The following MYO7A variants were observed in gnomAD, a reference collection of about 807,000 sequenced individuals.
MYO7A encodes myosin VIIA.
In MYO7A, 210 loss-of-function variants were observed where a neutral mutation model predicts 263.8. The ratio of observed to expected loss-of-function variants is 0.80; its 90% CI spans 0.71 to 0.89. MYO7A has a LOEUF of 0.89. Ranked by LOEUF, MYO7A falls within the 40% of genes least tolerant of loss-of-function variation. The pLI, the probability that MYO7A is intolerant of heterozygous loss-of-function variation, is 0.00. For missense variants in MYO7A, 2,820 were observed against 2,968.3 expected, an observed-to-expected ratio of 0.95 and a Z score of 1.16; for synonymous variants, 1,239 against 1,197.3, an observed-to-expected ratio of 1.03 and a Z score of -0.72.
intron 15 of MYO7A, among the ~76,000 whole-genome samples, chr11:77,171,295 C>A (rs1039804534): frequency 4.6e-5 from 7 of 152,222 alleles, no homozygotes; most frequent in Admixed American, 2.0e-4. Flanking sequence ...GTCAGGGGCC[C>A]TAATGCAGGC....
intron 46 of MYO7A, 144 bp from the exon 47 acceptor site, chr11:77,212,808 C>T: frequency 1.4e-6 from 1 of 705,100 alleles, no homozygotes. Flanking sequence ...AGGTGGAAGC[C>T]ATAGGTCATG....
rs1955166356 is a variant in MYO7A at position 77,181,361 on chromosome 11, T to C, written c.2695-19T>C. On this transcript the variant is annotated intron_variant, in intron 22 of 48. Coordinates refer to ENST00000409709, the MANE Select transcript of MYO7A (RefSeq NM_000260.4). ...CCGGGGGCTGACCCCGTGTCTTCTG[T>C]GTCACCCCAATTGCCCAGGAGCGCC... The C allele has an allele frequency of 3.9e-6, 6 of 1,546,054 alleles. No individual in the cohort carries two copies. In the East Asian group the frequency reaches 1.5e-4, roughly 38 times the overall value.
chr11:77,177,627 C>G lies in MYO7A; in HGVS notation c.2266C>G (p.Arg756Gly). ...DRVILLQKVI[R>G]GFKDRSNFLK... ...AGTCATCCTCCTTCAGAAAGTCATCCGGGGATTCAAAGACAGGTGCGTGTT... is the reference window on the plus strand; with the variant it reads ...AGTCATCCTCCTTCAGAAAGTCATCGGGGGATTCAAAGACAGGTGCGTGTT... The change falls in exon 19 of 49, where the codon CGG becomes GGG. Residue 756 changes from arginine to glycine, a missense_variant. Transcript: ENST00000409709. 8 of 1,610,180 alleles carry G rather than the reference C, an allele frequency of 5.0e-6. No individual in the cohort carries two copies. Among genetic ancestry groups the G allele is most frequent in the Non-Finnish European group, 6.8e-6 (8 of 1,178,512 alleles).
intron 26 of MYO7A, among the ~76,000 whole-genome samples, chr11:77,183,677 G>A (rs1457580577): frequency 6.6e-6 from 1 of 152,176 alleles, no homozygotes; most frequent in African/African-American, 2.4e-5. Context: ...CACAAACCAA[G>A]GCATTCACAG....
intron 31 of MYO7A, among the ~76,000 whole-genome samples, chr11:77,192,895 ATGGTGT>A (rs1956215876): frequency 7.4e-6 from 1 of 134,884 alleles, no homozygotes; most frequent in African/African-American, 2.9e-5. Flanking sequence ...GGAGGTAGTG[ATGGTGT>A]TGGTGATGGT....
Position 77,128,336 on chromosome 11 carries a change from G to A in MYO7A, c.-200G>A, listed in dbSNP as rs372140036. On this transcript the variant is annotated 5_prime_UTR_variant, in exon 1 of 49. Coordinates refer to ENST00000409709, the MANE Select transcript of MYO7A (RefSeq NM_000260.4). ...ACGGCGAGGAAGGGAAAGACCCAGA[G>A]GGACGCCTAGAACGAGACTTGGAGC... 6.6e-6 allele frequency: 1 copy of A among 152,628 alleles called. No individual in the cohort carries two copies. The highest frequency in any genetic ancestry group is 2.4e-5 in the African/African-American group (1 of 41,478). 9.5% of individuals were successfully genotyped at this position (152,628 alleles called of 1,614,324 possible). A position where few individuals can be genotyped will look rare whatever the true frequency, so the allele number is the denominator to read the frequency against.
In MYO7A at chr11:77,142,828, T is replaced by C. The variant is rs781852295; in HGVS notation, c.132+6T>C. 2 of 1,592,578 alleles carry C rather than the reference T, an allele frequency of 1.3e-6. No individual in the cohort carries two copies. The highest frequency in any genetic ancestry group is 8.6e-7 in the Non-Finnish European group (1 of 1,168,672). Reference sequence around the variant, plus strand: ...TGGTGGATGATGAAGACAATGTGAGTAGTCCCCTCCCTCCTCCTGCCCCAT... The same window carrying C: ...TGGTGGATGATGAAGACAATGTGAGCAGTCCCCTCCCTCCTCCTGCCCCAT... On this transcript the variant is annotated splice_donor_region_variant and intron_variant, in intron 3 of 48. Transcript: ENST00000409709.
At position 77,142,754 on chromosome 11, in the gene MYO7A, G is replaced by T. The variant is rs376701580; in HGVS notation, c.64G>T (p.Val22Leu). 3.1e-6 allele frequency: 5 copies of T among 1,612,060 alleles called. No homozygotes were observed. In the Admixed American group the frequency reaches 6.7e-5, roughly 22 times the overall value. The change falls in exon 3 of 49, where the codon GTG becomes TTG. Residue 22 changes from valine to leucine, a missense_variant. Val to Leu is a conservative substitution (Grantham distance 32). Transcript: ENST00000409709. ...MDLRLGQEFD[V>L]PIGAVVKLCD... is the part of the protein sequence containing the mutation. ...CCTGAGATTGGGGCAGGAGTTCGACGTGCCCATCGGGGCGGTGGTGAAGCT... is the reference window on the plus strand; with the variant it reads ...CCTGAGATTGGGGCAGGAGTTCGACTTGCCCATCGGGGCGGTGGTGAAGCT...
rs558410913 is a variant in MYO7A at position 77,206,823 on chromosome 11, T to C, written c.5743-466T>C. ...TCAGAAATGCCATAACAGGATTTCATTTGCAAGGACCAAAGACTTCCTCAA... is the reference window on the plus strand; with the variant it reads ...TCAGAAATGCCATAACAGGATTTCACTTGCAAGGACCAAAGACTTCCTCAA... On this transcript the variant is annotated intron_variant, in intron 41 of 48. Coordinates refer to ENST00000409709, the MANE Select transcript of MYO7A (RefSeq NM_000260.4). Among the ~76,000 whole-genome samples the C allele has an allele frequency of 2.6e-5, 4 of 152,312 alleles. No homozygotes were observed. The East Asian group carries it at 7.7e-4, about 29-fold the overall frequency.
At position 77,187,671 on chromosome 11, in the gene MYO7A, G is replaced by A. The variant is rs1266914223; in HGVS notation, c.3504-1673G>A. ...GAAGGGAAGACCCAGGAGTCACCAG[G>A]AGCCACCAAAAAATCAACTCAGCTG... On this transcript the variant is annotated intron_variant, in intron 27 of 48. Coordinates refer to ENST00000409709, the MANE Select transcript of MYO7A (RefSeq NM_000260.4). Among the ~76,000 whole-genome samples, 3 of 152,240 alleles carry A rather than the reference G, an allele frequency of 2.0e-5. No homozygotes were observed. In the East Asian group the frequency reaches 5.8e-4, roughly 29 times the overall value.
chr11:77,183,008 G>A lies in MYO7A; in HGVS notation c.3286-60G>A, dbSNP rs755201210. On this transcript the variant is annotated intron_variant, in intron 25 of 48. Coordinates refer to ENST00000409709, the MANE Select transcript of MYO7A (RefSeq NM_000260.4). ...CGGTTCCCCGCAAAGTCTTGCTGTC[G>A]GGGGTCTCGACATTGCTTTCTGCTC... is the stretch of plus-strand genomic sequence containing the variant. The A allele has an allele frequency of 7.3e-4, 1,025 of 1,398,862 alleles. 1 individual carries two copies. Among genetic ancestry groups the A allele is most frequent in the Non-Finnish European group, 9.1e-4 (922 of 1,009,560 alleles). 86.7% of individuals were successfully genotyped at this position (1,398,862 alleles called of 1,614,324 possible).
chr11:77,155,907 A>C lies in MYO7A; in HGVS notation c.286A>C (p.Thr96Pro). The change falls in exon 5 of 49, where the codon ACG becomes CCG. Residue 96 changes from threonine (T) to proline (P), a missense_variant and splice_region_variant. By Grantham distance (38) the Thr-to-Pro change is conservative. Transcript: ENST00000409709. ...GCTCCCCATCTCTTGCTGCCCGCAG[A>C]CGTATACGGGCTCCATCCTGGTGGC... is the stretch of plus-strand genomic sequence containing the variant. ...LIRYRDHLIYTYTGSILVAVN... is the reference protein window; with the variant it reads ...LIRYRDHLIYPYTGSILVAVN... The C allele has an allele frequency of 6.3e-7, 1 of 1,594,796 alleles. No homozygotes were observed. The highest frequency in any genetic ancestry group is 8.6e-7 in the Non-Finnish European group (1 of 1,168,424).
intron 1 of MYO7A, among the ~76,000 whole-genome samples, chr11:77,129,349 G>C (rs1262480309): frequency 5.9e-5 from 9 of 152,240 alleles, no homozygotes; most frequent in Non-Finnish European, 8.8e-5. Flanking sequence ...CCAGGGCAGG[G>C]GTCAGGGCTC....
chr11:77,155,900 C>T lies in MYO7A; in HGVS notation c.286-7C>T. Reference sequence around the variant, plus strand: ...TCAGCGAGCTCCCCATCTCTTGCTGCCCGCAGACGTATACGGGCTCCATCC... The same window carrying T: ...TCAGCGAGCTCCCCATCTCTTGCTGTCCGCAGACGTATACGGGCTCCATCC... On this transcript the variant is annotated splice_polypyrimidine_tract_variant and splice_region_variant and intron_variant, in intron 4 of 48. Transcript: ENST00000409709. 1 of 1,579,386 alleles carries T rather than the reference C, an allele frequency of 6.3e-7. No individual in the cohort carries two copies. The highest frequency in any genetic ancestry group is 8.6e-7 in the Non-Finnish European group (1 of 1,159,058).
intron 20 of MYO7A, 105 bp downstream of exon 20, chr11:77,179,234 G>A (rs1263175579): frequency 3.2e-5 from 32 of 992,496 alleles, no homozygotes; most frequent in African/African-American, 1.1e-4. Flanking sequence ...GCCTGGCCTC[G>A]TTGGCCTCCT....
At chr11:77,184,932 A>C in intron 27 of MYO7A, 3 of 796,868 alleles carry the variant, frequency 3.8e-6, no homozygotes, top group Non-Finnish European at 6.5e-6. Flanking sequence ...CATCCCTTGG[A>C]GATATTGCAG....
intron 18 of MYO7A, among the ~76,000 whole-genome samples, chr11:77,176,381 G>A (rs1301732551): frequency 1.3e-5 from 2 of 152,256 alleles, no homozygotes; most frequent in Admixed American, 6.5e-5. Context: ...CCCTGGGTGG[G>A]TGCTTTTCAT....
At chr11:77,178,621 G>T (rs1282667493) in intron 19 of MYO7A, among the ~76,000 whole-genome samples, 3 of 152,210 alleles carry the variant, frequency 2.0e-5, no homozygotes, top group Non-Finnish European at 2.9e-5. Flanking sequence ...GAAGCAGCCT[G>T]CTGTGTGCAG....
intron 31 of MYO7A, among the ~76,000 whole-genome samples, chr11:77,193,330 G>A (rs1321911092): frequency 6.8e-6 from 1 of 147,314 alleles, no homozygotes; most frequent in Non-Finnish European, 1.5e-5. Context: ...TGATGATAGT[G>A]GTGATGGTAA....
Sources: allele counts gnomAD v4.1 joint callset (sites outside exome capture counted in the v4.1 genomes callset), GRCh38; gene constraint gnomAD v4.1.1; transcripts MANE v1.5; gene names NCBI Gene and HGNC (gene_info 2026-07-23, HGNC 2026-07-21).